The following COQ6 variants were observed in gnomAD, a reference collection of about 807,000 sequenced individuals.
COQ6 encodes ubiquinone biosynthesis monooxygenase COQ6, mitochondrial.
In COQ6, 45 loss-of-function variants were observed where a neutral mutation model predicts 55.5. The observed-to-expected ratio is 0.81, with a 90% CI of 0.64 to 1.04. The LOEUF is 1.04. COQ6 is among the 50% of genes least tolerant of loss of function. The pLI, the probability that COQ6 is intolerant of heterozygous loss-of-function variation, is 0.00. For synonymous variants in COQ6, 206 were observed against 230.5 expected (o/e 0.89, Z 0.96); for missense variants, 550 against 601.3 (o/e 0.91, Z 0.89).
At chr14:73,954,059 C>G (rs909360737) in intron 2 of COQ6, among the ~76,000 whole-genome samples, 1 of 152,202 alleles carries the variant, frequency 6.6e-6, no homozygotes, top group Non-Finnish European at 1.5e-5. Context: ...CACCCCATCT[C>G]AAATTGAACT....
At position 73,955,757 on chromosome 14, in the gene COQ6, G is replaced by A. The variant is rs757581194; in HGVS notation, c.358-48G>A. 9 of 1,613,710 alleles carry A rather than the reference G, an allele frequency of 5.6e-6. No homozygotes were observed. The Admixed American group carries it at 1.2e-4, about 21-fold the overall frequency. Reference sequence around the variant, plus strand: ...AAGCAATATTGTTTCTGATTGGAGTGATGTTTCCCTCTTGGTTTTAATGCA... The same window carrying A: ...AAGCAATATTGTTTCTGATTGGAGTAATGTTTCCCTCTTGGTTTTAATGCA... On this transcript the variant is annotated intron_variant, in intron 3 of 11. Coordinates refer to ENST00000334571, the MANE Select transcript of COQ6 (RefSeq NM_182476.3).
intron 5 of COQ6, 132 bp from the exon 6 acceptor site, chr14:73,958,839 T>C: frequency 6.5e-7 from 1 of 1,540,774 alleles, no homozygotes; most frequent in Non-Finnish European, 8.7e-7. Flanking sequence ...GGGCTGTGAG[T>C]GAAGCAGGCC....
intron 4 of COQ6, among the ~76,000 whole-genome samples, chr14:73,957,640 G>C (rs1439110688): frequency 6.6e-6 from 1 of 151,932 alleles, no homozygotes; most frequent in East Asian, 1.9e-4. Flanking sequence ...ATGTTGCTCA[G>C]GCTGGTCTTG....
At chr14:73,961,636 A>G in intron 10 of COQ6, 66 bp downstream of exon 10, 1 of 1,601,368 alleles carries the variant, frequency 6.2e-7, no homozygotes. Context: ...CAGGGCCCAC[A>G]GTAGCAAGAG....
At chr14:73,958,489 A>G in intron 5 of COQ6, 2 of 1,394,502 alleles carry the variant, frequency 1.4e-6, no homozygotes, top group South Asian at 2.8e-5. Flanking sequence ...TTAGGTTGTG[A>G]AATAACAGAT....
chr14:73,961,270 A>T lies in COQ6; in HGVS notation c.989A>T (p.Gln330Leu), dbSNP rs374726749. The T allele has an allele frequency of 6.2e-7, 1 of 1,613,914 alleles. No homozygotes were observed. Among genetic ancestry groups the T allele is most frequent in the African/African-American group, 1.3e-5 (1 of 74,912 alleles). ...AAGCCCACTAAGGTCTCGGCTCGCCAGCTGCCCCCAAGCGTAGCCAGGGTG... is the reference window on the plus strand; with the variant it reads ...AAGCCCACTAAGGTCTCGGCTCGCCTGCTGCCCCCAAGCGTAGCCAGGGTG... ...LLKPTKVSAR[Q>L]LPPSVARVDA... Residue 330 changes from glutamine to leucine, a missense_variant, in exon 9 of 12, where the codon CAG becomes CTG. Coordinates refer to ENST00000334571, the MANE Select transcript of COQ6 (RefSeq NM_182476.3).
chr14:73,957,913 G>A, intron 4 of COQ6: 1 of 492,180 alleles, frequency 2.0e-6, no homozygotes, highest in African/African-American at 1.9e-5. Context: ...CAGTAAGAAA[G>A]AGTGCCTCTG....
intron 1 of COQ6, among the ~76,000 whole-genome samples, chr14:73,951,630 A>G (rs1328157616): frequency 1.4e-5 from 2 of 142,972 alleles, no homozygotes; most frequent in Admixed American, 1.5e-4. Flanking sequence ...TTGGCCCATT[A>G]TGAGATTTTT....
intron 8 of COQ6, chr14:73,960,402 C>T (rs1395944470): frequency 2.5e-5 from 25 of 987,896 alleles, no homozygotes; most frequent in Middle Eastern, 5.2e-4. Context: ...ACCAGTATTA[C>T]TTTTGGAGCC....
At chr14:73,959,899 A>G in intron 8 of COQ6, 1 of 1,207,788 alleles carries the variant, frequency 8.3e-7, no homozygotes, top group African/African-American at 1.6e-5. Context: ...AGGAAAAAGG[A>G]GTAACCAGTC....
chr14:73,953,431 T>A lies in COQ6; in HGVS notation c.164-4T>A, dbSNP rs567714443. 14 of 1,612,406 alleles carry A rather than the reference T, an allele frequency of 8.7e-6. No individual in the cohort carries two copies. The African/African-American group carries it at 1.9e-4, about 22-fold the overall frequency. On this transcript the variant is annotated splice_polypyrimidine_tract_variant and splice_region_variant and intron_variant, in intron 1 of 11. Coordinates refer to ENST00000334571, the MANE Select transcript of COQ6 (RefSeq NM_182476.3). ...TAAGATGATATAAATTTTCTTTTTTTAAGGATATGATATTCACTTTCATGA... is the reference window on the plus strand; with the variant it reads ...TAAGATGATATAAATTTTCTTTTTTAAAGGATATGATATTCACTTTCATGA...
chr14:73,950,533 G>C, intron 1 of COQ6, 38 bp downstream of exon 1: 1 of 1,569,832 alleles, frequency 6.4e-7, no homozygotes, highest in South Asian at 1.2e-5. Context: ...CCGGAAACCG[G>C]GCCGCGGAGG....
Position 73,955,438 on chromosome 14 carries a change from C to T in COQ6, c.299-13C>T, listed in dbSNP as rs767343318. On this transcript the variant is annotated splice_polypyrimidine_tract_variant and intron_variant, in intron 2 of 11. Coordinates refer to ENST00000334571, the MANE Select transcript of COQ6 (RefSeq NM_182476.3). ...GTGAAGTCACTCTGGTCTATAGATC[C>T]TTTCTTTTGTAGGTTTTGGTGCCTG... 6.2e-7 allele frequency: 1 copy of T among 1,613,078 alleles called. No individual in the cohort carries two copies. The highest frequency in any genetic ancestry group is 1.7e-5 in the Admixed American group (1 of 60,010).
At position 73,962,847 on chromosome 14, in the gene COQ6, CTTTT is replaced by C; in HGVS notation, c.1378-119_1378-116del. On this transcript the variant is annotated intron_variant, in intron 11 of 11. Coordinates refer to ENST00000334571, the MANE Select transcript of COQ6 (RefSeq NM_182476.3). ...CGTGTGTATATGTATGTATATTTTT[CTTTT>C]TTTAGCTGAAATAAAACAAGGACAC... 8 of 830,066 alleles carry C rather than the reference CTTTT, an allele frequency of 9.6e-6. No individual in the cohort carries two copies. The South Asian group carries it at 1.2e-4, about 13-fold the overall frequency. The allele number at this position is 830,066 out of a possible 1,614,324, so 51.4% of individuals were successfully genotyped here.
At chr14:73,950,013 C>T, upstream of COQ6, 1 of 1,613,054 alleles carries the variant, frequency 6.2e-7, no homozygotes, top group Non-Finnish European at 8.5e-7. Flanking sequence ...TCCCTCAGGC[C>T]TCCCCACGGT....
chr14:73,950,364 C>T lies in COQ6; in HGVS notation c.32C>T (p.Ala11Val), dbSNP rs369679258. 1.3e-6 allele frequency: 2 copies of T among 1,560,436 alleles called. No individual in the cohort carries two copies. The highest frequency in any genetic ancestry group is 1.9e-5 in the Admixed American group (1 of 52,466). The change falls in exon 1 of 12, where the codon GCT becomes GTT. Residue 11 changes from alanine to valine, a missense_variant. Transcript: ENST00000334571. MAARLVSRCG[A>V]VRAAPHSGPL... is the part of the protein sequence containing the mutation. The stretch of plus-strand genomic sequence containing the variant: ...GCCCGGCTTGTCAGCCGATGCGGGG[C>T]TGTGCGTGCAGCTCCCCACAGCGGC...
chr14:73,957,098 A>ATTT (rs1265250285), intron 4 of COQ6, among the ~76,000 whole-genome samples: 4 of 127,508 alleles, frequency 3.1e-5, no homozygotes, highest in Middle Eastern at 4.0e-3. Flanking sequence ...TATTATTATT[A>ATTT]TTATTTTTTT....
At chr14:73,960,594 T>C in intron 8 of COQ6, 1 of 1,038,532 alleles carries the variant, frequency 9.6e-7, no homozygotes, top group African/African-American at 1.7e-5. Context: ...AGTGCAGTCA[T>C]TCACCATTAA....
intron 5 of COQ6, 186 bp downstream of exon 5, chr14:73,958,463 A>T: frequency 6.9e-7 from 1 of 1,457,612 alleles, no homozygotes; most frequent in South Asian, 1.3e-5. Context: ...TACAGGGAGC[A>T]ATCTCATGGG....
Sources: gnomAD v4.1 joint callset for allele counts (sites outside exome capture counted in the v4.1 genomes callset) on GRCh38, gnomAD v4.1.1 for gene constraint, MANE v1.5 for transcripts, NCBI Gene and HGNC (gene_info 2026-07-23, HGNC 2026-07-21) for gene names.